The following NAALADL2 variants were observed in gnomAD, a reference collection of about 807,000 sequenced individuals.
NAALADL2 encodes the protein N-acetylated alpha-linked acidic dipeptidase like 2, also known as inactive N-acetylated-alpha-linked acidic dipeptidase-like protein 2.
In NAALADL2, 76 loss-of-function variants were observed where a neutral mutation model predicts 87.2. The observed-to-expected ratio is 0.87, with a 90% CI of 0.72 to 1.05. The LOEUF (loss-of-function observed/expected upper bound fraction) is 1.05, where lower values mean the gene tolerates loss of function less well. Ranked by LOEUF, NAALADL2 falls within the 50% of genes least tolerant of loss-of-function variation. NAALADL2 has a pLI of 0.00. For missense variants in NAALADL2, 1,089 were observed against 945.8 expected, an observed-to-expected ratio of 1.15 and a Z score of -1.99; for synonymous variants, 354 against 331.0, an observed-to-expected ratio of 1.07 and a Z score of -0.75.
At chr3:174,914,755 A>T (rs772630249) in intron 1 of NAALADL2, among the ~76,000 whole-genome samples, 1 of 152,206 alleles carries the variant, frequency 6.6e-6, no homozygotes, top group Admixed American at 6.5e-5. Flanking sequence ...AGATTAATTT[A>T]TTGGAAGATC....
At chr3:174,864,108 G>A (rs762101516) in intron 1 of NAALADL2, 4 of 454,908 alleles carry the variant, frequency 8.8e-6, no homozygotes, top group South Asian at 6.2e-5. Flanking sequence ...TGACCTAAAT[G>A]AGTGAGTTAG....
At chr3:175,249,714 A>C (rs951392756) in intron 3 of NAALADL2, among the ~76,000 whole-genome samples, 2 of 152,178 alleles carry the variant, frequency 1.3e-5, no homozygotes, top group African/African-American at 4.8e-5. Flanking sequence ...GTAACTAAGT[A>C]ATATACATTC....
rs190355789 is a variant in NAALADL2, at chr3:174,733,280, T to A, written c.-114-4361T>A. 2.0e-3 allele frequency among the ~76,000 whole-genome samples: 310 copies of A among 152,282 alleles called. 1 individual carries two copies. The highest frequency in any genetic ancestry group is 7.2e-3 in the African/African-American group (300 of 41,564). ...TTTTTCTGCAACCTGAGGAAAAAAA[T>A]CACATCTTTAACAATGAATTTCAAT... On this transcript the variant is annotated intron_variant, in intron 2 of 3. Transcript: ENST00000434257.
intron 9 of NAALADL2, among the ~76,000 whole-genome samples, chr3:175,479,072 C>T (rs1167321069): frequency 6.6e-6 from 1 of 151,682 alleles, no homozygotes; most frequent in African/African-American, 2.4e-5. Flanking sequence ...TAATAACCGT[C>T]TCAAAAATAA....
chr3:175,190,768 A>G (rs1738030872), intron 2 of NAALADL2, among the ~76,000 whole-genome samples: 1 of 152,100 alleles, frequency 6.6e-6, no homozygotes, highest in African/African-American at 2.4e-5. Context: ...CGAGGTCAGG[A>G]GATCGAGACC....
At chr3:174,993,557 A>G (rs961658200) in intron 1 of NAALADL2, among the ~76,000 whole-genome samples, 4 of 152,164 alleles carry the variant, frequency 2.6e-5, no homozygotes, top group African/African-American at 9.7e-5. Flanking sequence ...AGATGACAGG[A>G]AGCTTCTTAG....
intron 1 of NAALADL2, among the ~76,000 whole-genome samples, chr3:175,024,545 G>C (rs1322478372): frequency 6.6e-6 from 1 of 151,938 alleles, no homozygotes; most frequent in Non-Finnish European, 1.5e-5. Context: ...AGAAATCATA[G>C]GTAAGAGGAA....
chr3:174,728,099 C>A (rs966165880), intron 2 of NAALADL2, among the ~76,000 whole-genome samples: 1 of 151,938 alleles, frequency 6.6e-6, no homozygotes, highest in Non-Finnish European at 1.5e-5. Context: ...GGATGTACAA[C>A]CGTTTACTTA....
chr3:174,823,522 G>C (rs1039451863), intron 3 of NAALADL2, among the ~76,000 whole-genome samples: 2 of 152,036 alleles, frequency 1.3e-5, no homozygotes, highest in African/African-American at 4.8e-5. Flanking sequence ...GGAATGCATT[G>C]GTCAACAGAT....
rs892250345 is a variant in NAALADL2 at position 175,568,343 on chromosome 3, C to T, written c.1654-7698C>T. Among the ~76,000 whole-genome samples the T allele has an allele frequency of 2.0e-5, 3 of 152,022 alleles. No individual in the cohort carries two copies. In the East Asian group the frequency reaches 5.8e-4, roughly 29 times the overall value. ...TTAAATAAATGAAGAATACATGGCA[C>T]ACACAGTAAATAAGTATTGAAGAAA... On this transcript the variant is annotated intron_variant, in intron 9 of 13. Transcript: ENST00000454872.
chr3:174,941,360 T>A (rs1738563911), intron 1 of NAALADL2, among the ~76,000 whole-genome samples: 1 of 152,126 alleles, frequency 6.6e-6, no homozygotes, highest in South Asian at 2.1e-4. Context: ...GGTCCGAGAC[T>A]GTGTTTGGTA....
At chr3:175,250,783 T>C (rs150821316) in intron 3 of NAALADL2, among the ~76,000 whole-genome samples, 129 of 152,352 alleles carry the variant, frequency 8.5e-4, no homozygotes, top group African/African-American at 3.0e-3. Flanking sequence ...AAATAGGATA[T>C]TATATGCAAT....
At chr3:174,731,971 C>CTT (rs1273965659) in intron 2 of NAALADL2, among the ~76,000 whole-genome samples, 8 of 152,182 alleles carry the variant, frequency 5.3e-5, no homozygotes, top group African/African-American at 1.9e-4. Context: ...AGCAGGAAAG[C>CTT]CACCATAAAC....
At chr3:175,739,453 C>G (rs943407192) in intron 12 of NAALADL2, among the ~76,000 whole-genome samples, 5 of 152,110 alleles carry the variant, frequency 3.3e-5, no homozygotes, top group Non-Finnish European at 7.4e-5. Flanking sequence ...TAGGCTAATA[C>G]TGATGCTCAA....
intron 1 of NAALADL2, among the ~76,000 whole-genome samples, chr3:174,522,878 G>T (rs796309060): frequency 1.4e-5 from 2 of 143,880 alleles, no homozygotes; most frequent in African/African-American, 5.1e-5. Flanking sequence ...AGCTTGCAGT[G>T]AGCCGAGATC....
intron 3 of NAALADL2, among the ~76,000 whole-genome samples, chr3:174,833,081 T>C (rs1722919085): frequency 6.6e-6 from 1 of 152,212 alleles, no homozygotes; most frequent in African/African-American, 2.4e-5. Context: ...TATTAACTTT[T>C]AAATACTGTC....
intron 5 of NAALADL2, among the ~76,000 whole-genome samples, chr3:175,358,518 G>A (rs373828493): frequency 1.3e-5 from 2 of 151,734 alleles, no homozygotes; most frequent in Non-Finnish European, 2.9e-5. Flanking sequence ...AAGGAAGACA[G>A]TCTCAAACAA....
chr3:175,382,572 C>A lies in NAALADL2; in HGVS notation c.1090+58247C>A, dbSNP rs2148990145. ...ATCACTCTTTGAGCCAAGTGAATTGCAATGAGACTGATAGATTGTCGGATC... is the reference window on the plus strand; with the variant it reads ...ATCACTCTTTGAGCCAAGTGAATTGAAATGAGACTGATAGATTGTCGGATC... On this transcript the variant is annotated intron_variant, in intron 5 of 13. Coordinates refer to ENST00000454872, the MANE Select transcript of NAALADL2 (RefSeq NM_207015.3). Among the ~76,000 whole-genome samples the A allele has an allele frequency of 4.2e-5, 2 of 47,226 alleles. 1 individual carries two copies. Among genetic ancestry groups the A allele is most frequent in the African/African-American group, 1.3e-4 (2 of 15,992 alleles). The allele number at this position is 47,226 out of a possible 152,430, so 31.0% of individuals were successfully genotyped here. A position where few individuals can be genotyped will look rare whatever the true frequency, so the allele number is the denominator to read the frequency against.
intron 3 of NAALADL2, among the ~76,000 whole-genome samples, chr3:174,756,329 T>C (rs1413459658): frequency 6.6e-6 from 1 of 152,236 alleles, no homozygotes; most frequent in Non-Finnish European, 1.5e-5. Context: ...CTCTCAAATG[T>C]GCTTTTTCTA....
Sources: allele counts gnomAD v4.1 joint callset (sites outside exome capture counted in the v4.1 genomes callset), GRCh38; gene constraint gnomAD v4.1.1; transcripts MANE v1.5; gene names NCBI Gene and HGNC (gene_info 2026-07-23, HGNC 2026-07-21).